The following ENAH variants were observed in gnomAD, a reference collection of about 807,000 sequenced individuals.
ENAH encodes protein enabled homolog.
ENAH carries 23 observed loss-of-function variants against 78.7 expected under a neutral mutation model. The ratio of observed to expected loss-of-function variants is 0.29; its 90% confidence interval spans 0.21 to 0.41. The LOEUF is 0.41. Ranked by LOEUF, ENAH falls within the 10% of genes least tolerant of loss-of-function variation. The pLI, the probability that ENAH is intolerant of heterozygous loss-of-function variation, is 1.00. For synonymous variants in ENAH, 226 were observed against 241.0 expected (o/e 0.94, Z 0.58); for missense variants, 544 against 691.0 (o/e 0.79, Z 2.39).
Position 225,576,017 on chromosome 1 carries a change from T to C in ENAH, c.6-8603A>G, listed in dbSNP as rs12739191. Among the ~76,000 whole-genome samples the C allele has an allele frequency of 6.2e-3, 941 of 152,066 alleles. 3 individuals are homozygous for C. Among genetic ancestry groups the C allele is most frequent in the Non-Finnish European group, 9.9e-3 (672 of 67,970 alleles). Reference sequence around the variant, plus strand: ...CACTAGCACTCTAAATGCTCAGAGCTCCTCAACTCATCACTCTGCACTGTT... The same window carrying C: ...CACTAGCACTCTAAATGCTCAGAGCCCCTCAACTCATCACTCTGCACTGTT... On this transcript the variant is annotated intron_variant, in intron 1 of 13. Coordinates refer to ENST00000366843, the MANE Select transcript of ENAH (RefSeq NM_018212.6).
chr1:225,508,972 G>A (rs1183011378), intron 10 of ENAH, among the ~76,000 whole-genome samples: 3 of 152,164 alleles, frequency 2.0e-5, no homozygotes, highest in African/African-American at 7.2e-5. Flanking sequence ...ATGAAGCCCT[G>A]CTTTTGGTTC....
intron 3 of ENAH, chr1:225,535,487 G>A (rs1346295552): frequency 2.3e-6 from 3 of 1,298,036 alleles, no homozygotes; most frequent in Middle Eastern, 2.1e-4. Flanking sequence ...AAAAAGTAAT[G>A]TAAACATAAT....
intron 2 of ENAH, among the ~76,000 whole-genome samples, chr1:225,555,390 G>C (rs1028996606): frequency 6.6e-6 from 1 of 152,126 alleles, no homozygotes; most frequent in East Asian, 1.9e-4. Flanking sequence ...AGACCATCCT[G>C]GCTAACACGG....
intron 1 of ENAH, among the ~76,000 whole-genome samples, chr1:225,639,506 T>C (rs1660637851): frequency 6.6e-6 from 1 of 152,156 alleles, no homozygotes; most frequent in Non-Finnish European, 1.5e-5. Flanking sequence ...CCCTTTTTTC[T>C]GTTTTGAGCA....
At chr1:225,518,981 C>G in intron 5 of ENAH, 1 of 715,168 alleles carries the variant, frequency 1.4e-6, no homozygotes, top group South Asian at 2.6e-5. Context: ...ATAAAAATTT[C>G]CAAGAGCTTT....
At chr1:225,591,456 G>A (rs1332223019) in intron 1 of ENAH, among the ~76,000 whole-genome samples, 10 of 132,586 alleles carry the variant, frequency 7.5e-5, no homozygotes, top group South Asian at 2.5e-4. Flanking sequence ...CGACAAGAGC[G>A]AAACTACGTT....
At chr1:225,530,207 G>A (rs1209388654) in intron 4 of ENAH, among the ~76,000 whole-genome samples, 1 of 152,150 alleles carries the variant, frequency 6.6e-6, no homozygotes, top group Non-Finnish European at 1.5e-5. Context: ...AGTTAAATTT[G>A]TCACATGAAA....
At chr1:225,499,943 TTAAA>T (rs770895306) in intron 12 of ENAH, among the ~76,000 whole-genome samples, 118 of 152,350 alleles carry the variant, frequency 7.7e-4, no homozygotes, top group Non-Finnish European at 1.6e-3. Context: ...ACAGAAGTTA[TTAAA>T]TAGACTCACA....
At chr1:225,559,385 T>C (rs1377704039) in intron 2 of ENAH, among the ~76,000 whole-genome samples, 1 of 152,208 alleles carries the variant, frequency 6.6e-6, no homozygotes, top group African/African-American at 2.4e-5. Flanking sequence ...CAAAGGTATG[T>C]GGTATATATG....
intron 1 of ENAH, among the ~76,000 whole-genome samples, chr1:225,632,620 C>T (rs143514933): frequency 1.3e-5 from 2 of 152,100 alleles, no homozygotes; most frequent in African/African-American, 4.8e-5. Context: ...TTTAAAAGCA[C>T]ATTATATTTG....
chr1:225,529,115 A>G (rs1459304923), intron 4 of ENAH, among the ~76,000 whole-genome samples: 1 of 152,214 alleles, frequency 6.6e-6, no homozygotes, highest in African/African-American at 2.4e-5. Flanking sequence ...TCAACAGAGC[A>G]GACTGACTGA....
At chr1:225,608,897 C>T (rs1431665727) in intron 1 of ENAH, among the ~76,000 whole-genome samples, 1 of 136,704 alleles carries the variant, frequency 7.3e-6, no homozygotes, top group Non-Finnish European at 1.6e-5. Flanking sequence ...ACTCTAGAAA[C>T]AAGTCACTTG....
chr1:225,563,251 T>C (rs923676207), intron 2 of ENAH, among the ~76,000 whole-genome samples: 2 of 152,196 alleles, frequency 1.3e-5, no homozygotes, highest in Non-Finnish European at 2.9e-5. Context: ...CAGCTGTTTC[T>C]TTCTTATCAA....
chr1:225,615,691 C>T (rs2097025103), intron 1 of ENAH, among the ~76,000 whole-genome samples: 1 of 149,316 alleles, frequency 6.7e-6, no homozygotes, highest in Non-Finnish European at 1.5e-5. Flanking sequence ...TCTGCCCAGC[C>T]GCGACCCCGT....
At position 225,489,563 on chromosome 1, in the gene ENAH, A is replaced by T. The variant is rs2096213057; in HGVS notation, c.*8212T>A. 2 of 152,072 alleles carry T rather than the reference A, an allele frequency of 1.3e-5. No homozygotes were observed. 9.4% of individuals were successfully genotyped at this position (152,072 alleles called of 1,614,324 possible). A position where few individuals can be genotyped will look rare whatever the true frequency, so the allele number is the denominator to read the frequency against. On this transcript the variant is annotated 3_prime_UTR_variant, in exon 14 of 14. Coordinates refer to ENST00000366843, the MANE Select transcript of ENAH (RefSeq NM_018212.6). ...ATCTTTTTTCTCCTTCTCTTCAAAG[A>T]TCAAAAGAAGAATAAACCAAAAAAG...
intron 4 of ENAH, chr1:225,524,552 C>T (rs12408787): frequency 1.1e-6 from 1 of 942,964 alleles, no homozygotes; most frequent in Non-Finnish European, 1.3e-6. Context: ...AATAAGACAG[C>T]TAAGTTTTAA....
intron 1 of ENAH, among the ~76,000 whole-genome samples, chr1:225,604,250 T>A (rs1011072561): frequency 6.6e-6 from 1 of 152,176 alleles, no homozygotes; most frequent in Non-Finnish European, 1.5e-5. Flanking sequence ...CTGGACATAA[T>A]CAAAGTCCAG....
At chr1:225,507,489 C>CA (rs1472979802) in intron 11 of ENAH, among the ~76,000 whole-genome samples, 1 of 151,734 alleles carries the variant, frequency 6.6e-6, no homozygotes, top group Non-Finnish European at 1.5e-5. Context: ...CTGGTTCTTC[C>CA]AAAAAACACT....
At chr1:225,644,990 A>G (rs1368769726) in intron 1 of ENAH, among the ~76,000 whole-genome samples, 1 of 152,210 alleles carries the variant, frequency 6.6e-6, no homozygotes, top group Non-Finnish European at 1.5e-5. Context: ...GGCCTACCAA[A>G]GAGATGGCTG....
Sources: gnomAD v4.1 joint callset for allele counts (sites outside exome capture counted in the v4.1 genomes callset) on GRCh38, gnomAD v4.1.1 for gene constraint, MANE v1.5 for transcripts, NCBI Gene and HGNC (gene_info 2026-07-23, HGNC 2026-07-21) for gene names.